KLF12: variants seen among roughly 807,000 people sequenced by gnomAD.
KLF12 encodes the protein KLF transcription factor 12, also known as Krueppel-like factor 12.
In KLF12, 9 loss-of-function variants were observed where a neutral mutation model predicts 37.8. The ratio of observed to expected loss-of-function variants is 0.24; its 90% CI spans 0.14 to 0.42. The LOEUF (loss-of-function observed/expected upper bound fraction) is 0.42, where lower values mean the gene tolerates loss of function less well. KLF12 is among the 10% of genes least tolerant of loss of function. The pLI is 1.00. For synonymous variants in KLF12, 208 were observed against 202.1 expected, an observed-to-expected ratio of 1.03 and a Z score of -0.25; for missense variants, 411 against 516.0, an observed-to-expected ratio of 0.80 and a Z score of 1.97.
At chr13:74,187,390 G>A in the KLF12 span, among the ~76,000 whole-genome samples, 39 of 152,026 alleles carry the variant, frequency 2.6e-4, no homozygotes, top group African/African-American at 6.3e-4. Flanking sequence ...GCCATTCCTC[G>A]CTAGCTGTGT....
chr13:74,008,836 T>C (rs1050702609), intron 1 of KLF12, among the ~76,000 whole-genome samples: 1 of 152,358 alleles, frequency 6.6e-6, no homozygotes, highest in South Asian at 2.1e-4. Flanking sequence ...ATTCATAAAA[T>C]TTAACCAATC....
chr13:73,770,256 G>T (rs9318214), intron 5 of KLF12, among the ~76,000 whole-genome samples: 82,846 of 151,866 alleles, frequency 0.55, 23,035 homozygotes, highest in Middle Eastern at 0.62. Context: ...TTCTCCTGAT[G>T]ATTTAGGTTA....
chr13:74,063,835 A>C (rs1444585766), intron 1 of KLF12, among the ~76,000 whole-genome samples: 1 of 152,110 alleles, frequency 6.6e-6, no homozygotes, highest in African/African-American at 2.4e-5. Flanking sequence ...ACATACTAGC[A>C]AAAAAATACT....
At chr13:74,279,196 G>T in the KLF12 span, among the ~76,000 whole-genome samples, 1 of 152,104 alleles carries the variant, frequency 6.6e-6, no homozygotes, top group Non-Finnish European at 1.5e-5. Context: ...ACAGCACTGG[G>T]ATATTAAACC....
chr13:73,698,962 G>A (rs1460733122), intron 7 of KLF12, among the ~76,000 whole-genome samples: 1 of 152,136 alleles, frequency 6.6e-6, no homozygotes, highest in Admixed American at 6.5e-5. Flanking sequence ...CTCAAATTAG[G>A]ATCCTCGATT....
At chr13:73,842,070 A>G (rs554840776) in intron 4 of KLF12, among the ~76,000 whole-genome samples, 115 of 152,268 alleles carry the variant, frequency 7.6e-4, no homozygotes, top group African/African-American at 2.5e-3. Flanking sequence ...CTGAGGTTCT[A>G]GCCTCACTAG....
chr13:73,957,839 G>A (rs112321214), intron 2 of KLF12, among the ~76,000 whole-genome samples: 19 of 152,138 alleles, frequency 1.2e-4, no homozygotes, highest in Non-Finnish European at 2.2e-4. Flanking sequence ...CTAAAGAAAC[G>A]AGGGAAGGGT....
chr13:74,112,506 T>C (rs1249581449), intron 1 of KLF12, among the ~76,000 whole-genome samples: 1 of 152,066 alleles, frequency 6.6e-6, no homozygotes, highest in African/African-American at 2.4e-5. Context: ...TCCAACAGCA[T>C]GTGTCACATT....
At chr13:73,914,297 GAGA>G (rs1319255213) in intron 3 of KLF12, among the ~76,000 whole-genome samples, 3 of 152,226 alleles carry the variant, frequency 2.0e-5, no homozygotes, top group Admixed American at 6.5e-5. Flanking sequence ...GGGCAGACAT[GAGA>G]AGACCAACCC....
At chr13:74,186,414 A>G in the KLF12 span, among the ~76,000 whole-genome samples, 1 of 152,114 alleles carries the variant, frequency 6.6e-6, no homozygotes, top group Admixed American at 6.5e-5. Flanking sequence ...ATTGCATGAG[A>G]ACGGCCTGAG....
intron 1 of KLF12, among the ~76,000 whole-genome samples, chr13:74,060,674 T>G (rs1437343951): frequency 6.6e-6 from 1 of 152,112 alleles, no homozygotes; most frequent in Non-Finnish European, 1.5e-5. Context: ...TTCCAAAAAG[T>G]CTTTTGGGTT....
chr13:73,900,487 T>G (rs1887989565), intron 3 of KLF12, among the ~76,000 whole-genome samples: 1 of 152,198 alleles, frequency 6.6e-6, no homozygotes. Flanking sequence ...TAGCATAATT[T>G]TAAACATCAG....
At chr13:74,172,349 A>G in the KLF12 span, among the ~76,000 whole-genome samples, 1 of 152,202 alleles carries the variant, frequency 6.6e-6, no homozygotes, top group African/African-American at 2.4e-5. Flanking sequence ...AGGCTTTCAG[A>G]TAAAAGTAAC....
chr13:73,891,906 AG>A (rs1257978415), intron 3 of KLF12, among the ~76,000 whole-genome samples: 3 of 152,286 alleles, frequency 2.0e-5, no homozygotes, highest in Admixed American at 2.0e-4. Context: ...CCGAACAAAA[AG>A]TAACATTGTA....
intron 5 of KLF12, among the ~76,000 whole-genome samples, chr13:73,805,940 G>T (rs558523278): frequency 1.8e-4 from 28 of 152,068 alleles, no homozygotes; most frequent in African/African-American, 6.0e-4. Flanking sequence ...AGGCAGCCGG[G>T]ATTACAGGTG....
intron 1 of KLF12, among the ~76,000 whole-genome samples, chr13:74,104,892 C>T (rs1315945624): frequency 6.6e-6 from 1 of 151,982 alleles, no homozygotes; most frequent in Non-Finnish European, 1.5e-5. Flanking sequence ...GGTTAGGTTC[C>T]CCCCTCCCCC....
At chr13:74,099,201 T>A (rs1327632376) in intron 1 of KLF12, among the ~76,000 whole-genome samples, 1 of 151,906 alleles carries the variant, frequency 6.6e-6, no homozygotes, top group Admixed American at 6.6e-5. Flanking sequence ...TTAAAAATTA[T>A]CTGGGCATGG....
intron 1 of KLF12, among the ~76,000 whole-genome samples, chr13:74,067,590 G>T (rs1566196350): frequency 6.6e-6 from 1 of 152,142 alleles, no homozygotes; most frequent in South Asian, 2.1e-4. Context: ...AAGTATTGAA[G>T]AAACTACATA....
chr13:73,928,177 C>T lies in KLF12; in HGVS notation c.123+15804G>A, dbSNP rs1354216937. 3.9e-5 allele frequency among the ~76,000 whole-genome samples: 6 copies of T among 152,188 alleles called. No individual in the cohort carries two copies. In the East Asian group the frequency reaches 7.7e-4, roughly 20 times the overall value. ...GGCCAACATCTATCTCTTAAGTCCA[C>T]GATGATTTCTGGGGATCTTGTCCAT... On this transcript the variant is annotated intron_variant, in intron 3 of 7. Coordinates refer to ENST00000377669, the MANE Select transcript of KLF12 (RefSeq NM_007249.5).
Sources: allele counts gnomAD v4.1 joint callset (sites outside exome capture counted in the v4.1 genomes callset), GRCh38; gene constraint gnomAD v4.1.1; transcripts MANE v1.5; gene names NCBI Gene and HGNC (gene_info 2026-07-23, HGNC 2026-07-21).